Variants in ARHGAP18 observed in about 807,000 individuals in gnomAD.
The protein encoded by ARHGAP18 is Rho GTPase activating protein 18.
Under a neutral mutation model 86.2 loss-of-function variants are expected in ARHGAP18, and 67 were observed. That is an observed-to-expected ratio of 0.78 (90% CI 0.64 to 0.95). The LOEUF (loss-of-function observed/expected upper bound fraction) is 0.95, where lower values mean the gene tolerates loss of function less well. Among genes scored for constraint, ARHGAP18 ranks in the 40% least tolerant of loss-of-function variants. ARHGAP18 has a pLI of 0.00. For missense variants in ARHGAP18, 691 were observed against 780.4 expected (o/e 0.89, Z 1.37); for synonymous variants, 283 against 280.4 (o/e 1.01, Z -0.09).
intron 1 of ARHGAP18, among the ~76,000 whole-genome samples, chr6:129,668,827 AC>A (rs1164835768): frequency 1.4e-4 from 22 of 152,164 alleles, no homozygotes; most frequent in African/African-American, 4.8e-4. Flanking sequence ...TTATGATGAG[AC>A]CCCTTTAGTG....
chr6:129,615,337 T>G (rs1326199212), intron 7 of ARHGAP18, among the ~76,000 whole-genome samples: 1 of 152,160 alleles, frequency 6.6e-6, no homozygotes, highest in Non-Finnish European at 1.5e-5. Flanking sequence ...ACAAAGTTTG[T>G]CAGGAGAAAT....
chr6:129,692,828 A>G (rs1774550426), intron 1 of ARHGAP18, among the ~76,000 whole-genome samples: 1 of 152,240 alleles, frequency 6.6e-6, no homozygotes. Context: ...AAAGAGCTGC[A>G]GTGAGTTGAT....
chr6:129,597,324 T>C (rs574328818), intron 12 of ARHGAP18, among the ~76,000 whole-genome samples: 8 of 152,142 alleles, frequency 5.3e-5, no homozygotes, highest in African/African-American at 1.7e-4. Flanking sequence ...TTAGCAGAGA[T>C]GAGGTTCCAC....
At chr6:129,619,972 A>G (rs1789194027) in intron 5 of ARHGAP18, among the ~76,000 whole-genome samples, 1 of 149,278 alleles carries the variant, frequency 6.7e-6, no homozygotes, top group African/African-American at 2.4e-5. Flanking sequence ...GGAGAAGGGC[A>G]ACAAAAAGAA....
At chr6:129,679,339 A>C (rs1774286357) in intron 1 of ARHGAP18, among the ~76,000 whole-genome samples, 1 of 152,196 alleles carries the variant, frequency 6.6e-6, no homozygotes, top group Admixed American at 6.5e-5. Context: ...TCTATCACCA[A>C]CTTGATATTT....
chr6:129,624,997 G>C (rs867343014), intron 5 of ARHGAP18, among the ~76,000 whole-genome samples: 2 of 96,500 alleles, frequency 2.1e-5, no homozygotes, highest in East Asian at 2.5e-4. Context: ...TATTATATAT[G>C]ATATATATTT....
At chr6:129,655,337 AAAAAGAAAAG>A (rs1285546740) in intron 1 of ARHGAP18, among the ~76,000 whole-genome samples, 29 of 98,690 alleles carry the variant, frequency 2.9e-4, no homozygotes, top group Admixed American at 4.2e-4. Flanking sequence ...AAAAAAAAAA[AAAAAGAAAAG>A]AAAAGAAAAG....
chr6:129,590,394 T>C (rs192541250), intron 12 of ARHGAP18, among the ~76,000 whole-genome samples: 26 of 152,270 alleles, frequency 1.7e-4, no homozygotes, highest in African/African-American at 5.8e-4. Flanking sequence ...AGAGTTTTAA[T>C]AGAGAGTCCC....
intron 12 of ARHGAP18, 143 bp from the exon 13 acceptor site, chr6:129,584,255 G>A (rs1788347634): frequency 2.6e-6 from 3 of 1,134,470 alleles, no homozygotes; most frequent in Non-Finnish European, 2.4e-6. Flanking sequence ...AATGTAATTT[G>A]CAAAATTACA....
At chr6:129,685,197 C>T (rs1774404042) in intron 1 of ARHGAP18, among the ~76,000 whole-genome samples, 1 of 152,076 alleles carries the variant, frequency 6.6e-6, no homozygotes, top group South Asian at 2.1e-4. Context: ...CATAACTATA[C>T]CTACTCTCAT....
Position 129,600,796 on chromosome 6 carries a change from A to G in ARHGAP18, c.1418T>C (p.Met473Thr), listed in dbSNP as rs1239487464. 1 of 1,613,444 alleles carries G rather than the reference A, an allele frequency of 6.2e-7. No homozygotes were observed. The highest frequency in any genetic ancestry group is 2.2e-5 in the East Asian group (1 of 44,844). The change falls in exon 11 of 15, where the codon ATG becomes ACG. Residue 473 changes from methionine (M) to threonine (T), a missense_variant. Coordinates refer to ENST00000368149, the MANE Select transcript of ARHGAP18 (RefSeq NM_033515.3). ...GACCATTGCTACATTCATGACTGTC[A>G]TTTTATTTTTTTCTTTATTATCTAT... is the stretch of plus-strand genomic sequence containing the variant. ...RVIDNKEKNK[M>T]TVMNVAMVMA...
chr6:129,611,186 A>G (rs1377865707), intron 8 of ARHGAP18, among the ~76,000 whole-genome samples: 1 of 152,132 alleles, frequency 6.6e-6, no homozygotes, highest in Non-Finnish European at 1.5e-5. Flanking sequence ...ACAGGTGTGA[A>G]CCACCACGCC....
chr6:129,689,326 C>T (rs1774485892), intron 1 of ARHGAP18, among the ~76,000 whole-genome samples: 1 of 152,264 alleles, frequency 6.6e-6, no homozygotes, highest in South Asian at 2.1e-4. Flanking sequence ...CTAAGTCTCA[C>T]TCTGTCACCC....
intron 12 of ARHGAP18, among the ~76,000 whole-genome samples, chr6:129,592,307 T>A (rs1788532911): frequency 1.3e-5 from 2 of 152,156 alleles, no homozygotes; most frequent in Non-Finnish European, 2.9e-5. Context: ...AAATCAGAGA[T>A]GCAATTCTAA....
At chr6:129,587,817 C>T (rs1299275987) in intron 12 of ARHGAP18, among the ~76,000 whole-genome samples, 1 of 152,128 alleles carries the variant, frequency 6.6e-6, no homozygotes, top group Non-Finnish European at 1.5e-5. Context: ...TCATTCCATC[C>T]CCAGCCTTCC....
At chr6:129,620,540 G>A (rs1038503822) in intron 5 of ARHGAP18, among the ~76,000 whole-genome samples, 5 of 152,302 alleles carry the variant, frequency 3.3e-5, no homozygotes, top group Non-Finnish European at 1.5e-5. Context: ...TTTCACTAGT[G>A]TGTACATTTA....
intron 1 of ARHGAP18, among the ~76,000 whole-genome samples, chr6:129,689,028 A>G (rs752713301): frequency 7.2e-5 from 11 of 152,092 alleles, no homozygotes; most frequent in Non-Finnish European, 1.5e-4. Context: ...TTAGCATGCA[A>G]AACGTATGTG....
chr6:129,589,563 C>G (rs957937574), intron 12 of ARHGAP18, among the ~76,000 whole-genome samples: 3 of 152,176 alleles, frequency 2.0e-5, no homozygotes, highest in South Asian at 2.1e-4. Flanking sequence ...TCCTCCAAGT[C>G]TCTAGTTCCA....
intron 1 of ARHGAP18, among the ~76,000 whole-genome samples, chr6:129,663,706 T>C (rs1773992766): frequency 6.6e-6 from 1 of 152,242 alleles, no homozygotes; most frequent in Admixed American, 6.5e-5. Flanking sequence ...TACTCTTTTA[T>C]TGTTAATTAT....
Sources: gnomAD v4.1 joint callset for allele counts (sites outside exome capture counted in the v4.1 genomes callset) on GRCh38, gnomAD v4.1.1 for gene constraint, MANE v1.5 for transcripts, NCBI Gene and HGNC (gene_info 2026-07-23, HGNC 2026-07-21) for gene names.